Variants in TRDN observed in about 807,000 individuals in gnomAD.
TRDN encodes triadin in skeletal muscle.
Under a neutral mutation model 149.7 loss-of-function variants are expected in TRDN, and 161 were observed. That is an observed-to-expected ratio of 1.08 (90% CI 0.95 to 1.23). The LOEUF (loss-of-function observed/expected upper bound fraction) is 1.23, where lower values mean the gene tolerates loss of function less well. Ranked by LOEUF, TRDN falls within the 50% of genes most tolerant of loss-of-function variation. The probability of loss-of-function intolerance (pLI) is 0.00; values close to 1 mark genes in which losing one functional copy is unlikely to be tolerated. For synonymous variants in TRDN, 294 were observed against 250.5 expected (o/e 1.17, Z -1.64); for missense variants, 896 against 823.5 (o/e 1.09, Z -1.08).
intron 1 of TRDN, among the ~76,000 whole-genome samples, chr6:123,575,350 G>T (rs1782799584): frequency 6.6e-6 from 1 of 152,162 alleles, no homozygotes; most frequent in African/African-American, 2.4e-5. Flanking sequence ...ATAAAATTGA[G>T]AGGGAATAAA....
At chr6:123,254,064 G>A (rs139830764) in intron 37 of TRDN, among the ~76,000 whole-genome samples, 1,537 of 152,002 alleles carry the variant, frequency 0.01, 21 homozygotes, top group African/African-American at 0.034. Context: ...TTTAAACTGG[G>A]CATGATAATT....
At chr6:123,554,171 A>G (rs1781533213) in intron 2 of TRDN, among the ~76,000 whole-genome samples, 3 of 152,110 alleles carry the variant, frequency 2.0e-5, no homozygotes, top group Admixed American at 2.0e-4. Flanking sequence ...ATTTGGAACT[A>G]AATTGAGGTA....
At chr6:123,288,342 G>A (rs2114645267) in intron 24 of TRDN, among the ~76,000 whole-genome samples, 1 of 152,054 alleles carries the variant, frequency 6.6e-6, no homozygotes, top group African/African-American at 2.4e-5. Context: ...TTCTCAGGTA[G>A]GACTCCAAAA....
intron 8 of TRDN, among the ~76,000 whole-genome samples, chr6:123,499,703 C>CAAA (rs775014014): frequency 4.4e-4 from 10 of 22,814 alleles, no homozygotes; most frequent in African/African-American, 5.5e-4. Flanking sequence ...GATTCTGGCT[C>CAAA]AAAAAAAAAA....
At chr6:123,606,152 T>G (rs961376469) in intron 1 of TRDN, among the ~76,000 whole-genome samples, 3 of 152,126 alleles carry the variant, frequency 2.0e-5, no homozygotes, top group Non-Finnish European at 4.4e-5. Context: ...TTAAATAATT[T>G]AGTAGAATGA....
At chr6:123,256,220 G>A (rs1032601568) in intron 35 of TRDN, among the ~76,000 whole-genome samples, 2 of 152,152 alleles carry the variant, frequency 1.3e-5, no homozygotes, top group African/African-American at 2.4e-5. Flanking sequence ...TTAGTTTGCT[G>A]AGACGATGGT....
At chr6:123,624,601 C>G (rs1023306700) in intron 1 of TRDN, among the ~76,000 whole-genome samples, 4 of 152,178 alleles carry the variant, frequency 2.6e-5, no homozygotes, top group Admixed American at 2.6e-4. Context: ...GACAAGACCA[C>G]TGGCCTGACC....
intron 1 of TRDN, among the ~76,000 whole-genome samples, chr6:123,635,615 A>C (rs1786269677): frequency 6.6e-6 from 1 of 151,990 alleles, no homozygotes; most frequent in Non-Finnish European, 1.5e-5. Flanking sequence ...ACTTCTTATA[A>C]ATATTGACTA....
chr6:123,307,323 ACTTCT>A (rs1582848294), intron 24 of TRDN, among the ~76,000 whole-genome samples: 1 of 151,952 alleles, frequency 6.6e-6, no homozygotes, highest in South Asian at 2.1e-4. Context: ...GTATTCCAAC[ACTTCT>A]TATATCTGGG....
intron 5 of TRDN, among the ~76,000 whole-genome samples, chr6:123,525,820 C>T (rs982627632): frequency 2.0e-5 from 3 of 152,022 alleles, no homozygotes; most frequent in Admixed American, 6.6e-5. Flanking sequence ...TTTGACTCCA[C>T]GATGCTGTTT....
At chr6:123,466,248 G>A (rs1776803517) in intron 9 of TRDN, among the ~76,000 whole-genome samples, 1 of 151,996 alleles carries the variant, frequency 6.6e-6, no homozygotes, top group Non-Finnish European at 1.5e-5. Context: ...AAATAAGGCT[G>A]GGAACACTAA....
At position 123,466,060 on chromosome 6, in the gene TRDN, G is replaced by A. The variant is rs902668325; in HGVS notation, c.854-1077C>T. ...TCTTGTAGCTGTTACACCCATACAG[G>A]TTGATTACTGAGCATGTTTAAGTAT... On this transcript the variant is annotated intron_variant, in intron 9 of 40. Transcript: ENST00000334268. Among the ~76,000 whole-genome samples the A allele has an allele frequency of 2.2e-4, 33 of 152,164 alleles. 1 individual carries two copies. Among genetic ancestry groups the A allele is most frequent in the Non-Finnish European group, 2.9e-5 (2 of 68,032 alleles).
At chr6:123,488,014 G>T (rs534532355) in intron 9 of TRDN, among the ~76,000 whole-genome samples, 1 of 152,076 alleles carries the variant, frequency 6.6e-6, no homozygotes, top group East Asian at 1.9e-4. Flanking sequence ...CATTTCACTT[G>T]CTCCAGTCAG....
intron 38 of TRDN, among the ~76,000 whole-genome samples, chr6:123,245,803 A>G (rs1276240166): frequency 6.6e-6 from 1 of 152,216 alleles, no homozygotes; most frequent in Admixed American, 6.5e-5. Context: ...TTTCAGCACC[A>G]CATAGCACTT....
chr6:123,591,789 A>G (rs1427415889), intron 1 of TRDN, among the ~76,000 whole-genome samples: 1 of 152,228 alleles, frequency 6.6e-6, no homozygotes, highest in Non-Finnish European at 1.5e-5. Context: ...ATGAGCTTGA[A>G]GCTCCTTTAT....
chr6:123,292,462 A>C (rs1426220995), intron 24 of TRDN, among the ~76,000 whole-genome samples: 1 of 152,210 alleles, frequency 6.6e-6, no homozygotes, highest in Admixed American at 6.5e-5. Context: ...GTAATTAGCT[A>C]TACAAACTTC....
chr6:123,636,813 C>G lies in TRDN; in HGVS notation c.-38G>C, dbSNP rs1364782840. The G allele has an allele frequency of 1.2e-6, 2 of 1,610,804 alleles. No individual in the cohort carries two copies. Among genetic ancestry groups the G allele is most frequent in the African/African-American group, 1.3e-5 (1 of 74,690 alleles). ...AAGTAAAAGTCAGTTGAAAAGTTCC[C>G]GTCAAGTTGCACTTTGCAGAGTATT... On this transcript the variant is annotated 5_prime_UTR_variant, in exon 1 of 41. Coordinates refer to ENST00000334268, the MANE Select transcript of TRDN (RefSeq NM_006073.4).
chr6:123,283,176 T>C (rs973498553), intron 24 of TRDN, among the ~76,000 whole-genome samples: 7 of 151,838 alleles, frequency 4.6e-5, no homozygotes, highest in Non-Finnish European at 1.0e-4. Flanking sequence ...TTCAAAACTA[T>C]AAAAATACAT....
At chr6:123,528,488 T>C (rs751697754) in intron 5 of TRDN, among the ~76,000 whole-genome samples, 1 of 152,022 alleles carries the variant, frequency 6.6e-6, no homozygotes, top group Non-Finnish European at 1.5e-5. Context: ...ATGAATCTTT[T>C]TGGTCTCAGA....
Sources: allele counts gnomAD v4.1 joint callset (sites outside exome capture counted in the v4.1 genomes callset), GRCh38; gene constraint gnomAD v4.1.1; transcripts MANE v1.5; gene names NCBI Gene and HGNC (gene_info 2026-07-23, HGNC 2026-07-21).